The following METTL8 variants were observed in gnomAD, a reference collection of about 807,000 sequenced individuals.
METTL8 encodes tRNA N(3)-cytidine methyltransferase METTL8, mitochondrial.
In METTL8, 32 loss-of-function variants were observed where a neutral mutation model predicts 48.7. The ratio of observed to expected loss-of-function variants is 0.66; its 90% CI spans 0.50 to 0.88. The LOEUF (loss-of-function observed/expected upper bound fraction) is 0.88, where lower values mean the gene tolerates loss of function less well. METTL8 is among the 40% of genes least tolerant of loss of function. The pLI, the probability that METTL8 is intolerant of heterozygous loss-of-function variation, is 0.00. For synonymous variants in METTL8, 136 were observed against 157.1 expected (o/e 0.87, Z 1.01); for missense variants, 464 against 474.4 (o/e 0.98, Z 0.20).
chr2:171,385,641 C>T (rs927929330), intron 2 of METTL8, among the ~76,000 whole-genome samples: 4 of 152,184 alleles, frequency 2.6e-5, no homozygotes, highest in Non-Finnish European at 5.9e-5. Flanking sequence ...GCAGACTGGC[C>T]AACCCCTTGG....
intron 1 of METTL8, among the ~76,000 whole-genome samples, chr2:171,398,895 A>G (rs1689375848): frequency 6.6e-6 from 1 of 152,194 alleles, no homozygotes; most frequent in Non-Finnish European, 1.5e-5. Flanking sequence ...AGGGAAGATG[A>G]AAAAGTTCTG....
intron 2 of METTL8, among the ~76,000 whole-genome samples, chr2:171,366,902 A>C (rs987935639): frequency 2.6e-5 from 4 of 151,550 alleles, no homozygotes; most frequent in African/African-American, 4.8e-5. Context: ...AAAAAAAAAA[A>C]AAAAAACTGG....
At chr2:171,392,340 A>G in intron 1 of METTL8, 143 bp from the exon 2 acceptor site, 1 of 625,952 alleles carries the variant, frequency 1.6e-6, no homozygotes, top group East Asian at 2.9e-5. Context: ...TGAGCATAAC[A>G]GCTTCTCTCC....
intron 2 of METTL8, among the ~76,000 whole-genome samples, chr2:171,384,399 A>G (rs1179591738): frequency 6.6e-6 from 1 of 152,122 alleles, no homozygotes; most frequent in African/African-American, 2.4e-5. Flanking sequence ...AGTACCAGCT[A>G]CTTGGGAGGC....
At chr2:171,413,601 A>G (rs1277610585) in intron 1 of METTL8, among the ~76,000 whole-genome samples, 4 of 152,172 alleles carry the variant, frequency 2.6e-5, no homozygotes, top group African/African-American at 7.2e-5. Flanking sequence ...TTAAACAATT[A>G]ATTTTTTCTT....
At chr2:171,366,243 G>GCTT (rs1685705183) in intron 2 of METTL8, among the ~76,000 whole-genome samples, 1 of 152,166 alleles carries the variant, frequency 6.6e-6, no homozygotes, top group African/African-American at 2.4e-5. Context: ...ACAGTGGAAA[G>GCTT]ATCTATCTGA....
chr2:171,346,922 G>A (rs536628426), intron 3 of METTL8, among the ~76,000 whole-genome samples: 7 of 152,300 alleles, frequency 4.6e-5, no homozygotes, highest in South Asian at 2.1e-4. Context: ...TCACTGTAAC[G>A]TCCTGCCACT....
chr2:171,378,376 G>A (rs1419040017), intron 2 of METTL8, among the ~76,000 whole-genome samples: 3 of 152,236 alleles, frequency 2.0e-5, no homozygotes, highest in Non-Finnish European at 4.4e-5. Flanking sequence ...GCTCATGCCT[G>A]TAATCCCAGC....
At chr2:171,373,557 T>C (rs1470685177) in intron 2 of METTL8, among the ~76,000 whole-genome samples, 5 of 152,244 alleles carry the variant, frequency 3.3e-5, no homozygotes, top group Non-Finnish European at 7.3e-5. Flanking sequence ...TCCTTGCCCA[T>C]GCCTATGTCC....
intron 2 of METTL8, chr2:171,375,077 A>G (rs1462570275): frequency 4.3e-6 from 5 of 1,151,610 alleles, no homozygotes; most frequent in Middle Eastern, 2.5e-4. Flanking sequence ...AGCTTCACAT[A>G]CAGCTTGGGA....
chr2:171,337,896 C>A (rs1198856959), intron 4 of METTL8, among the ~76,000 whole-genome samples: 3 of 150,978 alleles, frequency 2.0e-5, no homozygotes, highest in Non-Finnish European at 4.4e-5. Flanking sequence ...ACTTAGTCAT[C>A]AAAGAAACGC....
Position 171,330,642 on chromosome 2 carries a change from A to C in METTL8, c.777T>G (p.Asp259Glu), listed in dbSNP as rs762122402. The C allele has an allele frequency of 6.2e-7, 1 of 1,613,712 alleles. No homozygotes were observed. The highest frequency in any genetic ancestry group is 8.5e-7 in the Non-Finnish European group (1 of 1,179,698). The change falls in exon 7 of 10, where the codon GAT (aspartate) becomes GAG (glutamate). Residue 259 changes from aspartate to glutamate, a missense_variant. Asp to Glu is a conservative substitution (Grantham distance 45). Coordinates refer to ENST00000375258, the MANE Select transcript of METTL8 (RefSeq NM_001321154.2). ...CTGGAAAAGGGTAAGGTAAGCCATC[A>C]TCACATACATCATGAACAAAGGCAA... is the stretch of plus-strand genomic sequence containing the variant. ...QCFAFVHDVC[D>E]DGLPYPFPDG...
intron 3 of METTL8, among the ~76,000 whole-genome samples, chr2:171,344,448 C>G (rs1226745496): frequency 6.6e-6 from 1 of 152,186 alleles, no homozygotes; most frequent in Non-Finnish European, 1.5e-5. Context: ...TTCATACTTT[C>G]TTCTCAATTA....
intron 3 of METTL8, among the ~76,000 whole-genome samples, chr2:171,357,179 G>A (rs979442719): frequency 2.0e-5 from 3 of 151,830 alleles, no homozygotes; most frequent in African/African-American, 4.8e-5. Flanking sequence ...GGCTGGTCTC[G>A]AACACCTGGC....
At position 171,323,620 on chromosome 2, in the gene METTL8, A is replaced by G. The variant is rs892598815; in HGVS notation, c.*552T>C. 1 of 152,186 alleles carries G rather than the reference A, an allele frequency of 6.6e-6. No individual in the cohort carries two copies. Among genetic ancestry groups the G allele is most frequent in the Non-Finnish European group, 1.5e-5 (1 of 68,062 alleles). 9.4% of individuals were successfully genotyped at this position (152,186 alleles called of 1,614,324 possible). On this transcript the variant is annotated 3_prime_UTR_variant, in exon 10 of 10. Coordinates refer to ENST00000375258, the MANE Select transcript of METTL8 (RefSeq NM_001321154.2). ...ATTTTAGGAAAGGAAAGAGGAACTAAAATTCTATTTCAGATATGAGCCTCT... is the reference window on the plus strand; with the variant it reads ...ATTTTAGGAAAGGAAAGAGGAACTAGAATTCTATTTCAGATATGAGCCTCT...
At chr2:171,361,466 A>C (rs765929572) in intron 2 of METTL8, among the ~76,000 whole-genome samples, 1 of 152,208 alleles carries the variant, frequency 6.6e-6, no homozygotes, top group Non-Finnish European at 1.5e-5. Context: ...TTTTCTTGGA[A>C]GTGCATCATG....
chr2:171,352,103 A>C (rs1041223506), intron 3 of METTL8, among the ~76,000 whole-genome samples: 4 of 152,186 alleles, frequency 2.6e-5, no homozygotes, highest in African/African-American at 9.7e-5. Context: ...GTTTGTCATA[A>C]ATAGCTCTTA....
At chr2:171,412,919 C>G (rs1216017730) in intron 1 of METTL8, among the ~76,000 whole-genome samples, 1 of 152,194 alleles carries the variant, frequency 6.6e-6, no homozygotes. Flanking sequence ...TCTGGAAAAC[C>G]TGTGTTCACC....
rs186840938 is a variant in METTL8, at chr2:171,431,969, C to T, written c.-13+1914G>A. Reference sequence around the variant, plus strand: ...GTGACATGCCTGGTCCAGCCGCAAGCGGTGCACGGAGCCAGCTCCTGTGCC... The same window carrying T: ...GTGACATGCCTGGTCCAGCCGCAAGTGGTGCACGGAGCCAGCTCCTGTGCC... On this transcript the variant is annotated intron_variant, in intron 1 of 9. Transcript: ENST00000375258. Among the ~76,000 whole-genome samples the T allele has an allele frequency of 1.3e-4, 20 of 152,342 alleles. No individual in the cohort carries two copies. The East Asian group carries it at 2.5e-3, about 19-fold the overall frequency.
Sources: gnomAD v4.1 joint callset for allele counts (sites outside exome capture counted in the v4.1 genomes callset) on GRCh38, gnomAD v4.1.1 for gene constraint, MANE v1.5 for transcripts, NCBI Gene and HGNC (gene_info 2026-07-23, HGNC 2026-07-21) for gene names.